ACACB: variants seen among roughly 807,000 people sequenced by gnomAD.
The protein encoded by ACACB is acetyl-CoA carboxylase 2.
ACACB carries 209 observed loss-of-function variants against 278.8 expected under a neutral mutation model. That is an observed-to-expected ratio of 0.75 (90% CI 0.67 to 0.84). ACACB has a LOEUF of 0.84. ACACB is among the 40% of genes least tolerant of loss of function. The pLI is 0.00. For missense variants in ACACB, 2,850 were observed against 3,269.0 expected, an observed-to-expected ratio of 0.87 and a Z score of 3.13; for synonymous variants, 1,174 against 1,285.6, an observed-to-expected ratio of 0.91 and a Z score of 1.86.
intron 2 of ACACB, among the ~76,000 whole-genome samples, chr12:109,155,585 CTT>C (rs776346297): frequency 3.4e-5 from 5 of 145,604 alleles, no homozygotes. Flanking sequence ...TATTCTTCAG[CTT>C]TTTTTTTTTT....
chr12:109,142,082 TA>T (rs35186286), intron 2 of ACACB, among the ~76,000 whole-genome samples: 28 of 150,134 alleles, frequency 1.9e-4, no homozygotes, highest in African/African-American at 5.9e-4. Flanking sequence ...ACCTCATCTC[TA>T]AAAAAAAAAT....
In ACACB at chr12:109,176,151, A is replaced by G; in HGVS notation, c.1327-2A>G. 6.2e-7 allele frequency: 1 copy of G among 1,614,202 alleles called. No homozygotes were observed. The highest frequency in any genetic ancestry group is 1.3e-5 in the African/African-American group (1 of 75,064). On this transcript the variant is annotated splice_acceptor_variant, in intron 8 of 52. Coordinates refer to ENST00000338432, the MANE Select transcript of ACACB (RefSeq NM_001093.4). LOFTEE classifies it high-confidence loss of function. The stretch of plus-strand genomic sequence containing the variant: ...AGAGGTCTGTTTGTCCTTTGCACCC[A>G]GGCAGCAGAAAGAATTGGTTTTCCA...
Position 109,201,669 on chromosome 12 carries a change from C to T in ACACB, c.2881C>T (p.Leu961=), listed in dbSNP as rs777748662. Residue 961 remains leucine (L), a synonymous_variant, in exon 19 of 53, where the codon CTG becomes TTG. Coordinates refer to ENST00000338432, the MANE Select transcript of ACACB (RefSeq NM_001093.4). ...VLEAGCVVAR[L]ELDDPSKVHP... is the part of the protein sequence containing the mutation. ...GGAAGCAGGCTGCGTGGTGGCCAGG[C>T]TGGAGCTCGATGACCCTTCTAAAGT... is the stretch of plus-strand genomic sequence containing the variant. 4 of 1,614,204 alleles carry T rather than the reference C, an allele frequency of 2.5e-6. No homozygotes were observed. The highest frequency in any genetic ancestry group is 3.4e-6 in the Non-Finnish European group (4 of 1,180,036).
At chr12:109,250,343 A>G (rs777991537) in intron 41 of ACACB, among the ~76,000 whole-genome samples, 3 of 152,152 alleles carry the variant, frequency 2.0e-5, no homozygotes, top group Non-Finnish European at 4.4e-5. Flanking sequence ...GTAAGGGTAG[A>G]TCTTTAACAG....
At chr12:109,140,243 C>CATCCATCCTTCT (rs1565857254) in intron 2 of ACACB, among the ~76,000 whole-genome samples, 185 bp downstream of exon 2, 1 of 127,046 alleles carries the variant, frequency 7.9e-6, no homozygotes, top group African/African-American at 2.7e-5. Context: ...TCCTTCCTTC[C>CATCCATCCTTCT]TTCCTTCCTT....
At position 109,266,307 on chromosome 12, in the gene ACACB, A is replaced by AGCGG. The variant is rs767307349; in HGVS notation, c.7326_7329dup (p.Gln2444GlyfsTer45). 1.4e-5 allele frequency: 22 copies of AGCGG among 1,613,652 alleles called. 1 individual carries two copies. The highest frequency in any genetic ancestry group is 1.9e-5 in the Non-Finnish European group (22 of 1,179,956). On this transcript the variant is annotated frameshift_variant, in exon 53 of 53. Transcript: ENST00000338432. LOFTEE classifies it high-confidence loss of function. ...CTGAGCCAGCACATCAGCCCAGCTG[A>AGCGG]GCGGGCGCAGGTCGTTCACCTGCTG...
intron 2 of ACACB, among the ~76,000 whole-genome samples, chr12:109,158,792 T>A (rs1026480480): frequency 6.6e-6 from 1 of 152,016 alleles, no homozygotes; most frequent in Non-Finnish European, 1.5e-5. Context: ...CTGGCCAACA[T>A]GGTAAAACCC....
intron 1 of ACACB, among the ~76,000 whole-genome samples, chr12:109,128,751 T>G (rs893511086): frequency 1.3e-4 from 19 of 150,432 alleles, no homozygotes; most frequent in African/African-American, 3.7e-4. Flanking sequence ...TTTGTTGCTT[T>G]CTTTTTTTTT....
chr12:109,257,999 T>C (rs966282058), intron 45 of ACACB, among the ~76,000 whole-genome samples: 14 of 152,206 alleles, frequency 9.2e-5, no homozygotes, highest in Non-Finnish European at 1.9e-4. Flanking sequence ...GTGGCCCTCG[T>C]CACAGAAAGT....
chr12:109,220,370 C>T (rs1397570226), intron 24 of ACACB, among the ~76,000 whole-genome samples: 1 of 152,156 alleles, frequency 6.6e-6, no homozygotes. Flanking sequence ...ATGATTATTT[C>T]GAAATGAATT....
chr12:109,140,558 GA>G, intron 2 of ACACB, among the ~76,000 whole-genome samples: 1 of 152,204 alleles, frequency 6.6e-6, no homozygotes, highest in East Asian at 1.9e-4. Context: ...TTGGAAGGCT[GA>G]GGCGGGAGAA....
intron 10 of ACACB, 99 bp downstream of exon 10, chr12:109,179,396 G>GGGTGCCTAACAAGA (rs1403454291): frequency 6.4e-5 from 83 of 1,298,982 alleles, no homozygotes; most frequent in Non-Finnish European, 8.4e-5. Context: ...ATGGTGGCAT[G>GGGTGCCTAACAAGA]GGTGCCTAAC....
At chr12:109,144,017 A>T (rs1049700604) in intron 2 of ACACB, among the ~76,000 whole-genome samples, 16 of 152,210 alleles carry the variant, frequency 1.1e-4, no homozygotes, top group African/African-American at 3.9e-4. Flanking sequence ...AAATAAAAAT[A>T]AAAAATAAAA....
In ACACB at chr12:109,185,700, A is replaced by G. The variant is rs1239449209; in HGVS notation, c.1940A>G (p.His647Arg). ...TCAAACCCTCCCCTCGCCCGAGGCC[A>G]CGTCATTGCCGCCAGAATCACCAGC... ...TPSNPPLARG[H>R]VIAARITSEN... Residue 647 changes from histidine (H) to arginine (R), a missense_variant, in exon 12 of 53, where the codon CAC becomes CGC. His to Arg is a conservative substitution (Grantham distance 29, BLOSUM62 0). This residue lies in a region of ACACB where 2,265 missense variants were observed against 2,561.3 expected (regional missense o/e 0.88). Coordinates refer to ENST00000338432, the MANE Select transcript of ACACB (RefSeq NM_001093.4). The G allele has an allele frequency of 6.2e-7, 1 of 1,612,588 alleles. No individual in the cohort carries two copies. Among genetic ancestry groups the G allele is most frequent in the South Asian group, 1.1e-5 (1 of 90,894 alleles).
intron 2 of ACACB, among the ~76,000 whole-genome samples, chr12:109,142,309 T>C (rs1358501996): frequency 1.3e-5 from 2 of 152,140 alleles, no homozygotes; most frequent in Admixed American, 1.3e-4. Context: ...ATTATTATTA[T>C]TACTATTTCC....
intron 45 of ACACB, among the ~76,000 whole-genome samples, chr12:109,257,018 A>G (rs1156603259): frequency 6.6e-6 from 1 of 152,224 alleles, no homozygotes; most frequent in Non-Finnish European, 1.5e-5. Context: ...TCACACCTGT[A>G]ATCCCAGCAC....
intron 49 of ACACB, 25 bp from the exon 50 acceptor site, chr12:109,264,207 G>A (rs1251204407): frequency 1.2e-6 from 2 of 1,611,716 alleles, no homozygotes; most frequent in African/African-American, 1.3e-5. Context: ...TCCATGGCTT[G>A]ACTGGCCTTT....
rs2044900249 is a variant in ACACB at position 109,191,850 on chromosome 12, G to C, written c.2299G>C (p.Glu767Gln). The C allele has an allele frequency of 2.5e-6, 4 of 1,614,170 alleles. No homozygotes were observed. In the East Asian group the frequency reaches 8.9e-5, roughly 36 times the overall value. ...ACTGAAGTGCATTTTCTCCTAGGCG[G>C]AGAAACCGGATATCATGCTTGGGGT... ...DYLIAEKVQA[E>Q]KPDIMLGVVC... The change falls in exon 15 of 53, where the codon GAG (glutamate) becomes CAG (glutamine). Residue 767 changes from glutamate to glutamine, a missense_variant. Transcript: ENST00000338432.
chr12:109,235,560 C>A (rs116985529), intron 32 of ACACB, 46 bp from the exon 33 acceptor site: 2 of 1,557,320 alleles, frequency 1.3e-6, no homozygotes, highest in Admixed American at 1.7e-5. Flanking sequence ...TATTTCAGTG[C>A]GTCTTGCTTG....
Sources: allele counts gnomAD v4.1 joint callset (sites outside exome capture counted in the v4.1 genomes callset), GRCh38; gene constraint gnomAD v4.1.1; regional missense constraint gnomAD v4.1.1; transcripts MANE v1.5; gene names NCBI Gene and HGNC (gene_info 2026-07-23, HGNC 2026-07-21).